CHSY3: variants seen among roughly 807,000 people sequenced by gnomAD.
The protein encoded by CHSY3 is N-acetylgalactosaminyl-proteoglycan 3-beta-glucuronosyltransferase 3.
A neutral mutation model predicts 67.2 loss-of-function variants in CHSY3; 35 were observed. The observed-to-expected ratio is 0.52, with a 90% CI of 0.40 to 0.69. The LOEUF (loss-of-function observed/expected upper bound fraction) is 0.69. CHSY3 is among the 30% of genes least tolerant of loss of function. The pLI, the probability that CHSY3 is intolerant of heterozygous loss-of-function variation, is 0.00. For synonymous variants in CHSY3, 474 were observed against 434.7 expected, an observed-to-expected ratio of 1.09 and a Z score of -1.12; for missense variants, 1,069 against 1,138.5, an observed-to-expected ratio of 0.94 and a Z score of 0.88.
intron 2 of CHSY3, among the ~76,000 whole-genome samples, chr5:129,956,957 G>A (rs1468960895): frequency 6.6e-6 from 1 of 151,900 alleles, no homozygotes; most frequent in Non-Finnish European, 1.5e-5. Context: ...GCTATTTTTG[G>A]TTTCATATTA....
At chr5:130,058,426 G>A (rs1157980684) in intron 2 of CHSY3, among the ~76,000 whole-genome samples, 5 of 152,060 alleles carry the variant, frequency 3.3e-5, no homozygotes, top group Admixed American at 1.3e-4. Context: ...TCAGGGGTTC[G>A]AGACCAGCCT....
At chr5:129,917,454 T>TATTTA (rs1171000778) in intron 2 of CHSY3, among the ~76,000 whole-genome samples, 4 of 152,180 alleles carry the variant, frequency 2.6e-5, no homozygotes, top group African/African-American at 9.7e-5. Flanking sequence ...TTCAGAGTAA[T>TATTTA]GTCTCACAGT....
At chr5:129,926,841 A>G (rs1761129553) in intron 2 of CHSY3, among the ~76,000 whole-genome samples, 1 of 151,696 alleles carries the variant, frequency 6.6e-6, no homozygotes, top group African/African-American at 2.4e-5. Flanking sequence ...TTTGTTACAT[A>G]ATATTTATAT....
At chr5:130,062,271 T>C (rs1697093239) in intron 2 of CHSY3, among the ~76,000 whole-genome samples, 1 of 151,618 alleles carries the variant, frequency 6.6e-6, no homozygotes, top group African/African-American at 2.4e-5. Flanking sequence ...TTGGAGGCCA[T>C]TATCCTCAAT....
At chr5:130,110,292 A>ACT (rs1767551225) in intron 2 of CHSY3, among the ~76,000 whole-genome samples, 1 of 151,930 alleles carries the variant, frequency 6.6e-6, no homozygotes, top group Non-Finnish European at 1.5e-5. Flanking sequence ...CCTTTAGTCA[A>ACT]AATTTCAACC....
intron 2 of CHSY3, among the ~76,000 whole-genome samples, chr5:130,071,448 T>C (rs1462342054): frequency 6.6e-6 from 1 of 151,988 alleles, no homozygotes; most frequent in Non-Finnish European, 1.5e-5. Context: ...AAAAGACTCA[T>C]ATCTGTGGGA....
At chr5:129,968,006 C>G (rs188650024) in intron 2 of CHSY3, among the ~76,000 whole-genome samples, 1 of 151,780 alleles carries the variant, frequency 6.6e-6, no homozygotes, top group Admixed American at 6.6e-5. Context: ...CTTCCCCTGA[C>G]AATAAACTAT....
At chr5:130,109,868 C>G (rs965180936) in intron 2 of CHSY3, among the ~76,000 whole-genome samples, 2 of 151,538 alleles carry the variant, frequency 1.3e-5, no homozygotes, top group African/African-American at 4.8e-5. Flanking sequence ...CTTGTTTAAA[C>G]CAAAAGTGAC....
At chr5:130,115,401 G>C (rs1204322191) in intron 2 of CHSY3, among the ~76,000 whole-genome samples, 1 of 152,000 alleles carries the variant, frequency 6.6e-6, no homozygotes, top group African/African-American at 2.4e-5. Flanking sequence ...TTTCCATATA[G>C]TGTTTCTCCA....
intron 2 of CHSY3, among the ~76,000 whole-genome samples, chr5:129,956,149 C>G (rs906990233): frequency 1.3e-5 from 2 of 152,144 alleles, no homozygotes; most frequent in Non-Finnish European, 2.9e-5. Flanking sequence ...CTAATTTACA[C>G]TCCCGCCAAC....
chr5:130,013,817 C>A (rs1323845479), intron 2 of CHSY3, among the ~76,000 whole-genome samples: 1 of 152,206 alleles, frequency 6.6e-6, no homozygotes, highest in Non-Finnish European at 1.5e-5. Context: ...TATTTGGTGC[C>A]TTGTTACTTA....
intron 2 of CHSY3, among the ~76,000 whole-genome samples, chr5:130,085,148 T>G (rs1348707951): frequency 1.3e-5 from 2 of 151,988 alleles, no homozygotes; most frequent in Non-Finnish European, 2.9e-5. Flanking sequence ...CATCAGTAGT[T>G]TAGAGGATTA....
chr5:130,070,343 A>G (rs1766019629), intron 2 of CHSY3, among the ~76,000 whole-genome samples: 1 of 152,126 alleles, frequency 6.6e-6, no homozygotes, highest in Non-Finnish European at 1.5e-5. Flanking sequence ...CCCAGAATTG[A>G]TTATATTTGA....
At chr5:129,994,988 G>T (rs1763492303) in intron 2 of CHSY3, among the ~76,000 whole-genome samples, 1 of 152,060 alleles carries the variant, frequency 6.6e-6, no homozygotes, top group Admixed American at 6.6e-5. Context: ...CATGGCACAT[G>T]TATACCTATG....
chr5:129,916,070 T>G (rs1760721181), intron 2 of CHSY3, among the ~76,000 whole-genome samples: 1 of 152,196 alleles, frequency 6.6e-6, no homozygotes, highest in African/African-American at 2.4e-5. Flanking sequence ...ATAATACAGT[T>G]ATGGTCATAG....
chr5:130,126,565 AGAGAGAGAGAAAGG>A (rs368875020), intron 2 of CHSY3, among the ~76,000 whole-genome samples: 1,899 of 152,152 alleles, frequency 0.012, 34 homozygotes, highest in African/African-American at 0.042. Flanking sequence ...AGAGAGAAAG[AGAGAGAGAGAAAGG>A]AAAAAGAGAG....
intron 2 of CHSY3, among the ~76,000 whole-genome samples, chr5:130,162,057 A>AAAAGAAAGAAAG (rs1554087188): frequency 3.1e-4 from 38 of 122,988 alleles, no homozygotes; most frequent in African/African-American, 1.0e-3. Flanking sequence ...AAAAAAAAAA[A>AAAAGAAAGAAAG]AAAGAAAGAA....
chr5:130,050,236 A>T (rs13173177), intron 2 of CHSY3, among the ~76,000 whole-genome samples: 21,003 of 152,064 alleles, frequency 0.14, 1,905 homozygotes, highest in East Asian at 0.25. Context: ...TTGTATGTCA[A>T]TTGTCTTCTA....
chr5:130,143,810 G>GTATGTA (rs1554085961), intron 2 of CHSY3, among the ~76,000 whole-genome samples: 10 of 56,490 alleles, frequency 1.8e-4, no homozygotes, highest in Non-Finnish European at 2.5e-4. Flanking sequence ...ATATATGTGT[G>GTATGTA]TATATATATA....
Sources: gnomAD v4.1 joint callset for allele counts (sites outside exome capture counted in the v4.1 genomes callset) on GRCh38, gnomAD v4.1.1 for gene constraint, MANE v1.5 for transcripts, NCBI Gene and HGNC (gene_info 2026-07-23, HGNC 2026-07-21) for gene names.